SLC9A5: variants seen among roughly 807,000 people sequenced by gnomAD.
The protein encoded by SLC9A5 is solute carrier family 9 member A5.
A neutral mutation model predicts 91.7 loss-of-function variants in SLC9A5; 52 were observed. That is an observed-to-expected ratio of 0.57 (90% CI 0.45 to 0.71). The LOEUF (loss-of-function observed/expected upper bound fraction) is 0.71, where lower values mean the gene tolerates loss of function less well. Ranked by LOEUF, SLC9A5 falls within the 30% of genes least tolerant of loss-of-function variation. SLC9A5 has a pLI of 0.00. For synonymous variants in SLC9A5, 419 were observed against 474.5 expected (o/e 0.88, Z 1.52); for missense variants, 871 against 1,158.9 (o/e 0.75, Z 3.61).
chr16:67,256,583 G>C lies in SLC9A5; in HGVS notation c.1026G>C (p.Val342=), dbSNP rs1220879328. 1 of 1,614,152 alleles carries C rather than the reference G, an allele frequency of 6.2e-7. No homozygotes were observed. The highest frequency in any genetic ancestry group is 1.7e-5 in the Admixed American group (1 of 60,034). The change falls in exon 6 of 16, where the codon GTG becomes GTC. Residue 342 remains valine (V), a synonymous_variant. Transcript: ENST00000299798. The surrounding 1 kb of genome is among the most constrained non-coding windows in gnomAD (Gnocchi z 4.1). ...CTCTAGCCAGCTGTGCTGAGACCGT[G>C]ATCTTCATGCTGCTTGGCATCTCAG... ...MKTLASCAET[V]IFMLLGISAV...
intron 15 of SLC9A5, among the ~76,000 whole-genome samples, chr16:67,268,793 C>A (rs1217879467): frequency 6.9e-6 from 1 of 145,472 alleles, no homozygotes; most frequent in Admixed American, 7.1e-5. Flanking sequence ...GATTTTGCTC[C>A]CCCAGGGGAC....
At chr16:67,253,271 T>C (rs959657994) in intron 2 of SLC9A5, among the ~76,000 whole-genome samples, 25 of 152,132 alleles carry the variant, frequency 1.6e-4, no homozygotes, top group African/African-American at 5.8e-4. Context: ...CTTAACTATA[T>C]GTTGTCTATA....
At chr16:67,264,327 A>G in intron 12 of SLC9A5, 25 bp from the exon 13 acceptor site, 1 of 1,610,690 alleles carries the variant, frequency 6.2e-7, no homozygotes, top group Non-Finnish European at 8.5e-7. Flanking sequence ...CCATCCTCAT[A>G]GCCAGGCGGG....
At position 67,256,398 on chromosome 16, in the gene SLC9A5, A is replaced by G. The variant is rs1450338029; in HGVS notation, c.912-71A>G. ...AATGGGCAATGCCCCCTCCTGCAGT[A>G]TGCTCAAACCCTGGAGGCTGAGCCC... On this transcript the variant is annotated intron_variant, in intron 5 of 15. Coordinates refer to ENST00000299798, the MANE Select transcript of SLC9A5 (RefSeq NM_004594.3). The surrounding 1 kb of genome is among the most constrained non-coding windows in gnomAD (Gnocchi z 4.1). The G allele has an allele frequency of 1.9e-6, 2 of 1,061,070 alleles. No homozygotes were observed. Among genetic ancestry groups the G allele is most frequent in the Non-Finnish European group, 2.9e-6 (2 of 692,488 alleles). The allele number at this position is 1,061,070 out of a possible 1,614,324, so 65.7% of individuals were successfully genotyped here.
At chr16:67,268,663 T>C (rs2035804134) in intron 15 of SLC9A5, among the ~76,000 whole-genome samples, 1 of 21,282 alleles carries the variant, frequency 4.7e-5, no homozygotes, top group African/African-American at 3.0e-4. Flanking sequence ...CCTGATTATA[T>C]ATATATATAT....
rs942210223 is a variant in SLC9A5, at chr16:67,250,992, A to G, written c.188-1550A>G. Among the ~76,000 whole-genome samples the G allele has an allele frequency of 2.3e-4, 35 of 152,350 alleles. 1 individual carries two copies. Among genetic ancestry groups the G allele is most frequent in the African/African-American group, 7.7e-4 (32 of 41,570 alleles). On this transcript the variant is annotated intron_variant, in intron 1 of 15. Transcript: ENST00000299798. ...TCCTACAGACAGAACTGTTCTATTT[A>G]ATTAACATTTGGTGTGTGTCTAACA...
chr16:67,268,712 T>TATA (rs1274790719), intron 15 of SLC9A5, among the ~76,000 whole-genome samples: 52 of 52,720 alleles, frequency 9.9e-4, no homozygotes, highest in African/African-American at 2.8e-3. Context: ...ATATATATAT[T>TATA]TTTACAGTAG....
rs910107676 is a variant in SLC9A5, at chr16:67,270,328, G to A, written c.2219-410G>A. Among the ~76,000 whole-genome samples the A allele has an allele frequency of 1.3e-5, 2 of 152,154 alleles. No individual in the cohort carries two copies. Among genetic ancestry groups the A allele is most frequent in the African/African-American group, 4.8e-5 (2 of 41,432 alleles). On this transcript the variant is annotated intron_variant, in intron 15 of 15. Transcript: ENST00000299798. The surrounding 1 kb of genome is among the most constrained non-coding windows in gnomAD (Gnocchi z 4.3). ...AGCCTCCCGAGTACCTGGGATTACA[G>A]GCGTGTGCCACTGTGCTTGGCTAAT...
intron 15 of SLC9A5, among the ~76,000 whole-genome samples, chr16:67,269,891 T>A (rs2035861594): frequency 6.6e-6 from 1 of 152,136 alleles, no homozygotes; most frequent in South Asian, 2.1e-4. Context: ...TGCCTCGTCA[T>A]CCCCTTTGCG....
chr16:67,253,776 A>G (rs1451218068), intron 2 of SLC9A5, among the ~76,000 whole-genome samples: 1 of 152,122 alleles, frequency 6.6e-6, no homozygotes, highest in African/African-American at 2.4e-5. Flanking sequence ...GCCCACCTCA[A>G]CCTGTCAAAG....
At chr16:67,249,426 G>T (rs1024590858) in intron 1 of SLC9A5, among the ~76,000 whole-genome samples, 1 of 152,206 alleles carries the variant, frequency 6.6e-6, no homozygotes, top group Non-Finnish European at 1.5e-5. Flanking sequence ...TTTCTGAAGG[G>T]CTGTCCCCCG....
chr16:67,270,247 G>A lies in SLC9A5; in HGVS notation c.2219-491G>A, dbSNP rs187950935. Among the ~76,000 whole-genome samples, 44 of 152,166 alleles carry A rather than the reference G, an allele frequency of 2.9e-4. No individual in the cohort carries two copies. Among genetic ancestry groups the A allele is most frequent in the Admixed American group, 5.2e-4 (8 of 15,288 alleles). ...TTCACCCAGGCTGGAGTGCAGTGGCGAGATCTCGGCTCATTGCAACCTCTG... is the reference window on the plus strand; with the variant it reads ...TTCACCCAGGCTGGAGTGCAGTGGCAAGATCTCGGCTCATTGCAACCTCTG... On this transcript the variant is annotated intron_variant, in intron 15 of 15. Transcript: ENST00000299798. The surrounding 1 kb of genome is among the most constrained non-coding windows in gnomAD (Gnocchi z 4.3).
intron 15 of SLC9A5, among the ~76,000 whole-genome samples, chr16:67,268,900 A>G (rs2035833029): frequency 6.6e-6 from 1 of 150,896 alleles, no homozygotes; most frequent in Admixed American, 6.6e-5. Context: ...AACATCCTAC[A>G]ATGAACAGGA....
Position 67,256,514 on chromosome 16 carries a change from C to T in SLC9A5, c.957C>T (p.Asn319=), listed in dbSNP as rs1407157916. The part of the protein sequence containing the change: ...GLGCKKYVEA[N]ISHKSRTTVK... ...GCTGTAAGAAGTACGTGGAGGCCAA[C>T]ATCTCCCATAAGTCACGCACAACTG... Residue 319 remains asparagine (N), a synonymous_variant, in exon 6 of 16, where the codon AAC becomes AAT. Transcript: ENST00000299798. This position sits in a 1 kb window ranked among gnomAD's most constrained non-coding sequence, Gnocchi z 4.1. The T allele has an allele frequency of 6.8e-6, 11 of 1,613,436 alleles. No individual in the cohort carries two copies. Among genetic ancestry groups the T allele is most frequent in the South Asian group, 5.5e-5 (5 of 91,088 alleles).
rs201186357 is a variant in SLC9A5 at position 67,264,502 on chromosome 16, C to G, written c.1993C>G (p.Arg665Gly). The part of the protein sequence containing the change: ...ICFTKSKPRP[R>G]KTGRRKKDGV... The stretch of plus-strand genomic sequence containing the variant: ...CTTCACCAAGAGCAAGCCACGACCC[C>G]GCAAGACTGGCCGCAGGAAGGCATG... The change falls in exon 13 of 16, where the codon CGC (arginine) becomes GGC (glycine). Residue 665 changes from arginine to glycine, a missense_variant. This residue lies in a region of SLC9A5 where 295 missense variants were observed against 326.0 expected (regional missense o/e 0.90). Transcript: ENST00000299798. The G allele has an allele frequency of 7.4e-6, 12 of 1,614,078 alleles. No individual in the cohort carries two copies. Among genetic ancestry groups the G allele is most frequent in the African/African-American group, 1.3e-5 (1 of 74,928 alleles).
intron 10 of SLC9A5, among the ~76,000 whole-genome samples, chr16:67,259,370 A>G (rs2035440769): frequency 6.6e-6 from 1 of 151,578 alleles, no homozygotes; most frequent in African/African-American, 2.4e-5. Flanking sequence ...TCAAAAAAAA[A>G]AAAAAAAAAA....
chr16:67,249,211 T>C lies in SLC9A5; in HGVS notation c.187+10T>C. 1 of 1,454,482 alleles carries C rather than the reference T, an allele frequency of 6.9e-7. No individual in the cohort carries two copies. Among genetic ancestry groups the C allele is most frequent in the Non-Finnish European group, 9.1e-7 (1 of 1,104,562 alleles). 90.1% of individuals were successfully genotyped at this position (1,454,482 alleles called of 1,614,324 possible). The stretch of plus-strand genomic sequence containing the variant: ...AGTCTGGCCAAAATCGGTGAGTGCG[T>C]GTGTGCGTGCGCCAGGCCGACCGCC... On this transcript the variant is annotated intron_variant, in intron 1 of 15. Transcript: ENST00000299798.
At chr16:67,260,354 C>CAAAAAAAAAAAAAAAAAAAAAAAAA (rs397932908) in intron 12 of SLC9A5, among the ~76,000 whole-genome samples, 11 of 33,444 alleles carry the variant, frequency 3.3e-4, no homozygotes, top group African/African-American at 5.8e-4. Flanking sequence ...GACTCCATCT[C>CAAAAAAAAAAAAAAAAAAAAAAAAA]AAAAAAAAAA....
rs1398893061 is a variant in SLC9A5, at chr16:67,258,174, G to C, written c.1497-144G>C. On this transcript the variant is annotated intron_variant, in intron 9 of 15. Coordinates refer to ENST00000299798, the MANE Select transcript of SLC9A5 (RefSeq NM_004594.3). This position sits in a 1 kb window ranked among gnomAD's most constrained non-coding sequence, Gnocchi z 4.5. ...ACATTGTAAATTCCATGAGGGCAGG[G>C]ACTAGCCTTGAGATTCTCTCTGGCT... 1.4e-6 allele frequency: 1 copy of C among 722,416 alleles called. No homozygotes were observed. Among genetic ancestry groups the C allele is most frequent in the East Asian group, 2.7e-5 (1 of 37,562 alleles). The allele number at this position is 722,416 out of a possible 1,614,324, so 44.8% of individuals were successfully genotyped here. A position where few individuals can be genotyped will look rare whatever the true frequency, so the allele number is the denominator to read the frequency against.
Sources: allele counts gnomAD v4.1 joint callset (sites outside exome capture counted in the v4.1 genomes callset), GRCh38; gene constraint gnomAD v4.1.1; regional missense constraint gnomAD v4.1.1; non-coding constraint Gnocchi (gnomAD v3.1); transcripts MANE v1.5; gene names NCBI Gene and HGNC (gene_info 2026-07-23, HGNC 2026-07-21).